The following CLVS1 variants were observed in gnomAD, a reference collection of about 807,000 sequenced individuals.
CLVS1 encodes the protein clavesin 1.
CLVS1 carries 10 observed loss-of-function variants against 33.1 expected under a neutral mutation model. That is an observed-to-expected ratio of 0.30 (90% CI 0.19 to 0.51). CLVS1 has a LOEUF of 0.51. CLVS1 is among the 20% of genes least tolerant of loss of function. The pLI is 0.97. For synonymous variants in CLVS1, 163 were observed against 166.1 expected (o/e 0.98, Z 0.14); for missense variants, 343 against 433.4 (o/e 0.79, Z 1.85).
At chr8:61,457,024 G>A (rs533504409) in intron 4 of CLVS1, among the ~76,000 whole-genome samples, 30 of 151,238 alleles carry the variant, frequency 2.0e-4, no homozygotes, top group Non-Finnish European at 3.5e-4. Context: ...TGCAACCTCC[G>A]CCTCCTGGGT....
intron 2 of CLVS1, among the ~76,000 whole-genome samples, chr8:61,223,012 T>C (rs1429040556): frequency 1.3e-5 from 2 of 151,992 alleles, no homozygotes; most frequent in Non-Finnish European, 2.9e-5. Context: ...CTGCTTTTTT[T>C]TTCTTTCCAT....
At chr8:61,112,448 CT>C (rs1238170859) in intron 1 of CLVS1, among the ~76,000 whole-genome samples, 2 of 152,190 alleles carry the variant, frequency 1.3e-5, no homozygotes, top group Non-Finnish European at 2.9e-5. Context: ...TGTATCAGAG[CT>C]CTGCTATGTT....
chr8:61,200,899 T>C (rs935540968), intron 2 of CLVS1, among the ~76,000 whole-genome samples: 18 of 152,246 alleles, frequency 1.2e-4, no homozygotes, highest in Non-Finnish European at 7.3e-5. Flanking sequence ...TGTTTCCTAC[T>C]GAGGTTGAAT....
chr8:61,396,395 A>G (rs1400434499), intron 3 of CLVS1, among the ~76,000 whole-genome samples: 1 of 152,194 alleles, frequency 6.6e-6, no homozygotes. Context: ...AACTATGAAG[A>G]AAAAAATAAA....
chr8:61,475,528 A>G (rs541863505), intron 5 of CLVS1, among the ~76,000 whole-genome samples: 2 of 152,258 alleles, frequency 1.3e-5, no homozygotes, highest in Admixed American at 6.5e-5. Flanking sequence ...GTTTTGATTT[A>G]CATTTCTCTG....
At chr8:61,281,626 G>A (rs754046217) in intron 2 of CLVS1, among the ~76,000 whole-genome samples, 4 of 152,118 alleles carry the variant, frequency 2.6e-5, no homozygotes, top group Admixed American at 1.3e-4. Flanking sequence ...GTATTTTGTC[G>A]TGGCAACCCT....
intron 4 of CLVS1, among the ~76,000 whole-genome samples, chr8:61,456,744 G>C (rs528778677): frequency 2.6e-5 from 4 of 151,606 alleles, no homozygotes; most frequent in Admixed American, 2.6e-4. Flanking sequence ...GTGAAACCCC[G>C]TCTGTACTAA....
At chr8:61,357,489 CTTTTCTTT>C (rs1812774011) in intron 2 of CLVS1, among the ~76,000 whole-genome samples, 2 of 30,284 alleles carry the variant, frequency 6.6e-5, no homozygotes, top group East Asian at 1.9e-3. Flanking sequence ...TTTCCTTTTT[CTTTTCTTT>C]TTTTTTTTTT....
At position 61,082,102 on chromosome 8, in the gene CLVS1, G is replaced by A. The variant is rs1805030767; in HGVS notation, c.-243+24872G>A. Among the ~76,000 whole-genome samples, 3 of 151,826 alleles carry A rather than the reference G, an allele frequency of 2.0e-5. No individual in the cohort carries two copies. In the South Asian group the frequency reaches 6.2e-4, roughly 32 times the overall value. ...AGAATGGATGGGTAAGGTAAGCATA[G>A]AGATGGAAACTCTAAGAATCAAATG... On this transcript the variant is annotated intron_variant, in intron 1 of 2. Coordinates refer to the CLVS1 transcript ENST00000522621.
intron 3 of CLVS1, among the ~76,000 whole-genome samples, chr8:61,410,073 T>TG (rs1815159011): frequency 6.7e-6 from 1 of 150,240 alleles, no homozygotes; most frequent in Admixed American, 6.6e-5. Flanking sequence ...GAGGTTTTTT[T>TG]TTTTTTTTTT....
intron 1 of CLVS1, among the ~76,000 whole-genome samples, chr8:61,110,369 G>A (rs1054039593): frequency 6.6e-6 from 1 of 151,974 alleles, no homozygotes; most frequent in Non-Finnish European, 1.5e-5. Flanking sequence ...TTTTTGAGAC[G>A]GCTTCCTCAA....
At chr8:61,314,288 A>G (rs1176004304) in intron 2 of CLVS1, among the ~76,000 whole-genome samples, 2 of 152,162 alleles carry the variant, frequency 1.3e-5, no homozygotes, top group East Asian at 3.8e-4. Flanking sequence ...CTTGATTAGT[A>G]TATCACACCA....
At chr8:61,174,989 C>T (rs375140213) in intron 2 of CLVS1, among the ~76,000 whole-genome samples, 2 of 101,966 alleles carry the variant, frequency 2.0e-5, no homozygotes, top group East Asian at 4.8e-4. Flanking sequence ...GTTTTATTAT[C>T]TTATGTTTGA....
At chr8:61,256,749 G>A (rs966103341) in intron 2 of CLVS1, among the ~76,000 whole-genome samples, 2 of 152,144 alleles carry the variant, frequency 1.3e-5, no homozygotes, top group Non-Finnish European at 2.9e-5. Context: ...TATTAATTGT[G>A]GTTTTTATGC....
intron 1 of CLVS1, among the ~76,000 whole-genome samples, chr8:61,127,047 C>T (rs1190039323): frequency 6.6e-6 from 1 of 152,052 alleles, no homozygotes; most frequent in East Asian, 1.9e-4. Flanking sequence ...AGTGACTTTC[C>T]CACAGTATAG....
In CLVS1 at chr8:61,384,089, C is replaced by T. The variant is rs187080610; in HGVS notation, c.630+7310C>T. Among the ~76,000 whole-genome samples the T allele has an allele frequency of 1.4e-3, 214 of 152,188 alleles. 1 individual carries two copies. Among genetic ancestry groups the T allele is most frequent in the Middle Eastern group, 3.4e-3 (1 of 294 alleles). ...CCTCAGCTGATACTTAGCAGGTAAG[C>T]GTGGAATAGTAAGTGAAGATGCAAG... On this transcript the variant is annotated intron_variant, in intron 3 of 5. Coordinates refer to ENST00000325897, the MANE Select transcript of CLVS1 (RefSeq NM_173519.3).
intron 2 of CLVS1, among the ~76,000 whole-genome samples, chr8:61,149,569 C>CAAAAAAAAAAAA (rs1212944878): frequency 8.3e-6 from 1 of 120,274 alleles, no homozygotes; most frequent in African/African-American, 3.2e-5. Flanking sequence ...AAAAAAAAAA[C>CAAAAAAAAAAAA]AAAAAACAAA....
chr8:61,381,587 T>C (rs1813881305), intron 3 of CLVS1, among the ~76,000 whole-genome samples: 1 of 152,160 alleles, frequency 6.6e-6, no homozygotes, highest in Admixed American at 6.5e-5. Flanking sequence ...TCGCCCTCCT[T>C]CTACCCTCCA....
At chr8:61,248,771 C>T (rs1335410886) in intron 2 of CLVS1, among the ~76,000 whole-genome samples, 1 of 151,940 alleles carries the variant, frequency 6.6e-6, no homozygotes, top group African/African-American at 2.4e-5. Context: ...CTCTAAGACA[C>T]CCAGAAGTCC....
Sources: gnomAD v4.1 joint callset for allele counts (sites outside exome capture counted in the v4.1 genomes callset) on GRCh38, gnomAD v4.1.1 for gene constraint, MANE v1.5 for transcripts, NCBI Gene and HGNC (gene_info 2026-07-23, HGNC 2026-07-21) for gene names.